The following DLGAP2 variants were observed in gnomAD, a reference collection of about 807,000 sequenced individuals.
The protein encoded by DLGAP2 is disks large-associated protein 2.
DLGAP2 carries 26 observed loss-of-function variants against 100.3 expected under a neutral mutation model. That is an observed-to-expected ratio of 0.26 (90% CI 0.19 to 0.36). The LOEUF is 0.36. Ranked by LOEUF, DLGAP2 falls within the 10% of genes least tolerant of loss-of-function variation. The pLI, the probability that DLGAP2 is intolerant of heterozygous loss-of-function variation, is 1.00. For missense variants in DLGAP2, 1,858 were observed against 1,453.2 expected (o/e 1.28, Z -4.53); for synonymous variants, 886 against 630.1 (o/e 1.41, Z -6.08).
At chr8:826,865 C>T (rs1307681992) in intron 1 of DLGAP2, among the ~76,000 whole-genome samples, 1 of 152,100 alleles carries the variant, frequency 6.6e-6, no homozygotes, top group Non-Finnish European at 1.5e-5. Flanking sequence ...TAGGGGTGTG[C>T]TCATTTTCCA....
chr8:1,027,690 CGTT>C (rs1801847373), intron 2 of DLGAP2, among the ~76,000 whole-genome samples: 3 of 139,924 alleles, frequency 2.1e-5, no homozygotes, highest in Admixed American at 7.1e-5. Context: ...GCCAGGCGCC[CGTT>C]ATTCTCCAGG....
At chr8:1,105,077 A>G (rs1312557917) in intron 2 of DLGAP2, 1 of 152,268 alleles carries the variant, frequency 6.6e-6, no homozygotes. Flanking sequence ...GTGCGGTCTC[A>G]TGACATGAGG....
At chr8:1,609,617 A>C (rs1796930169) in intron 6 of DLGAP2, among the ~76,000 whole-genome samples, 1 of 123,546 alleles carries the variant, frequency 8.1e-6, no homozygotes, top group African/African-American at 2.8e-5. Context: ...GTCAAGACCC[A>C]TCAGTGTGCT....
chr8:1,121,857 A>G (rs1407928904), intron 2 of DLGAP2, among the ~76,000 whole-genome samples: 1 of 152,220 alleles, frequency 6.6e-6, no homozygotes, highest in Non-Finnish European at 1.5e-5. Context: ...TTCAGAACTT[A>G]TAACCTTCTA....
intron 2 of DLGAP2, among the ~76,000 whole-genome samples, chr8:953,318 C>T (rs758652254): frequency 1.3e-5 from 2 of 152,054 alleles, no homozygotes; most frequent in Non-Finnish European, 2.9e-5. Context: ...CTCAGCCTCC[C>T]GAGTAGCTGG....
At chr8:1,186,568 G>A (rs527826082) in intron 2 of DLGAP2, among the ~76,000 whole-genome samples, 1 of 152,248 alleles carries the variant, frequency 6.6e-6, no homozygotes, top group East Asian at 1.9e-4. Context: ...ATGTTATTAC[G>A]GCCATTCCCT....
At position 768,418 on chromosome 8, in the gene DLGAP2, ATTTTTT is replaced by A. The variant is rs58234397; in HGVS notation, c.18+30611_18+30616del. ...GCATGAACCAGGAGGGAAGGCGTTG[ATTTTTT>A]TTTTTTTTTTTTTTTTTCTGACATG... On this transcript the variant is annotated intron_variant, in intron 1 of 14. Coordinates refer to ENST00000637795, the MANE Select transcript of DLGAP2 (RefSeq NM_001346810.2). Among the ~76,000 whole-genome samples the A allele has an allele frequency of 1.2e-4, 12 of 99,960 alleles. No individual in the cohort carries two copies. In the East Asian group the frequency reaches 1.2e-3, roughly 10 times the overall value. The allele number at this position is 99,960 out of a possible 152,430, so 65.6% of individuals were successfully genotyped here.
intron 2 of DLGAP2, among the ~76,000 whole-genome samples, chr8:1,142,367 G>A (rs760422287): frequency 6.6e-6 from 1 of 152,184 alleles, no homozygotes; most frequent in Non-Finnish European, 1.5e-5. Flanking sequence ...GAGAAAATGA[G>A]TTGATAGGCT....
At chr8:1,679,979 CAAAAAAAAA>C (rs760100523) in intron 12 of DLGAP2, among the ~76,000 whole-genome samples, 20 of 63,518 alleles carry the variant, frequency 3.1e-4, no homozygotes, top group African/African-American at 8.2e-4. Flanking sequence ...GACTCTGTCT[CAAAAAAAAA>C]AAAAAAAAAA....
At chr8:1,504,548 G>C (rs1253017468) in intron 4 of DLGAP2, among the ~76,000 whole-genome samples, 2 of 152,124 alleles carry the variant, frequency 1.3e-5, no homozygotes, top group African/African-American at 2.4e-5. Flanking sequence ...CATCCTCCCA[G>C]TTCCCCCCAA....
chr8:1,670,039 G>A (rs777322711), intron 10 of DLGAP2, among the ~76,000 whole-genome samples: 2 of 152,110 alleles, frequency 1.3e-5, no homozygotes, highest in African/African-American at 4.8e-5. Context: ...GCCCGTCTCC[G>A]TCTCCGTCTC....
intron 2 of DLGAP2, among the ~76,000 whole-genome samples, chr8:1,133,669 A>C (rs1217503663): frequency 6.6e-6 from 1 of 152,224 alleles, no homozygotes; most frequent in Non-Finnish European, 1.5e-5. Flanking sequence ...TTTAGCCAGC[A>C]TCACAAATGT....
chr8:1,364,507 G>GC (rs1017381445), intron 3 of DLGAP2, among the ~76,000 whole-genome samples: 31 of 149,998 alleles, frequency 2.1e-4, no homozygotes, highest in Middle Eastern at 3.5e-3. Flanking sequence ...AAGGGCGGGG[G>GC]GGGTGCAGCG....
intron 3 of DLGAP2, among the ~76,000 whole-genome samples, chr8:1,346,501 A>T (rs938259705): frequency 6.6e-6 from 1 of 150,548 alleles, no homozygotes; most frequent in African/African-American, 2.5e-5. Flanking sequence ...CATTGCTCTC[A>T]TGATAGCTGT....
At chr8:1,212,919 T>G (rs1439292718) in intron 2 of DLGAP2, among the ~76,000 whole-genome samples, 5 of 152,102 alleles carry the variant, frequency 3.3e-5, no homozygotes, top group Admixed American at 3.3e-4. Flanking sequence ...TTGGAAAATT[T>G]TAGTGCTCTT....
intron 2 of DLGAP2, among the ~76,000 whole-genome samples, chr8:930,193 G>C (rs945273293): frequency 6.6e-6 from 1 of 152,168 alleles, no homozygotes; most frequent in Non-Finnish European, 1.5e-5. Flanking sequence ...CCAGGGCTAC[G>C]CAGCCCCTTG....
chr8:1,081,483 C>A (rs761663209), intron 2 of DLGAP2, among the ~76,000 whole-genome samples: 7 of 152,152 alleles, frequency 4.6e-5, no homozygotes, highest in Non-Finnish European at 7.3e-5. Context: ...TCCCTAGTAG[C>A]TGGGATTACA....
At chr8:1,168,987 T>G (rs1236149861) in intron 2 of DLGAP2, among the ~76,000 whole-genome samples, 2 of 147,504 alleles carry the variant, frequency 1.4e-5, no homozygotes, top group Non-Finnish European at 3.0e-5. Flanking sequence ...ATTGCCTAGG[T>G]TTTCTTCTAG....
intron 4 of DLGAP2, among the ~76,000 whole-genome samples, chr8:1,539,931 A>C (rs1801302727): frequency 6.6e-6 from 1 of 152,112 alleles, no homozygotes; most frequent in Non-Finnish European, 1.5e-5. Context: ...CCCCTCAAGC[A>C]TCAGTGGCTT....
Sources: allele counts gnomAD v4.1 joint callset (sites outside exome capture counted in the v4.1 genomes callset), GRCh38; gene constraint gnomAD v4.1.1; transcripts MANE v1.5; gene names NCBI Gene and HGNC (gene_info 2026-07-23, HGNC 2026-07-21).